Variants in GALNT13 observed in about 807,000 individuals in gnomAD.
GALNT13 encodes the protein polypeptide N-acetylgalactosaminyltransferase 13, also known as UDP-GalNAc:polypeptide N-acetylgalactosaminyltransferase 13.
A neutral mutation model predicts 64.2 loss-of-function variants in GALNT13; 28 were observed. The observed-to-expected ratio is 0.44, with a 90% CI of 0.32 to 0.60. The LOEUF is 0.60. GALNT13 is among the 20% of genes least tolerant of loss of function. GALNT13 has a pLI of 0.05. For missense variants in GALNT13, 577 were observed against 669.8 expected, an observed-to-expected ratio of 0.86 and a Z score of 1.53; for synonymous variants, 214 against 224.6, an observed-to-expected ratio of 0.95 and a Z score of 0.42.
the GALNT13 span, among the ~76,000 whole-genome samples, chr2:153,635,430 A>G: frequency 5.5e-5 from 8 of 146,314 alleles, no homozygotes; most frequent in African/African-American, 1.5e-4. Flanking sequence ...ATATATATGT[A>G]TATATATATA....
At chr2:153,537,204 C>T in the GALNT13 span, among the ~76,000 whole-genome samples, 3 of 152,140 alleles carry the variant, frequency 2.0e-5, no homozygotes, top group Non-Finnish European at 2.9e-5. Flanking sequence ...GCTGCAGAGG[C>T]TGTATAGGAC....
chr2:153,456,919 G>C, the GALNT13 span, among the ~76,000 whole-genome samples: 3 of 152,212 alleles, frequency 2.0e-5, no homozygotes, highest in African/African-American at 7.2e-5. Flanking sequence ...AGGATCAGTT[G>C]TAAGGCATCA....
the GALNT13 span, among the ~76,000 whole-genome samples, chr2:153,806,859 A>C: frequency 3.9e-5 from 6 of 152,082 alleles, no homozygotes; most frequent in Non-Finnish European, 7.4e-5. Context: ...AACATGCTGA[A>C]TTTTTAAAAG....
At chr2:154,058,867 A>G (rs1700033808) in intron 3 of GALNT13, among the ~76,000 whole-genome samples, 1 of 152,170 alleles carries the variant, frequency 6.6e-6, no homozygotes, top group South Asian at 2.1e-4. Context: ...GAGAAGGGTA[A>G]TGTAGTGAAG....
the GALNT13 span, among the ~76,000 whole-genome samples, chr2:153,071,597 G>A: frequency 6.6e-6 from 1 of 152,198 alleles, no homozygotes. Flanking sequence ...AGGGGCCAGA[G>A]CTCCAGAGTG....
the GALNT13 span, among the ~76,000 whole-genome samples, chr2:153,731,909 G>A: frequency 1.3e-5 from 2 of 151,908 alleles, no homozygotes; most frequent in African/African-American, 4.8e-5. Flanking sequence ...ATAAAGTAAC[G>A]GGTTCTACTG....
At chr2:154,241,504 C>G (rs1689488126) in intron 4 of GALNT13, among the ~76,000 whole-genome samples, 1 of 152,122 alleles carries the variant, frequency 6.6e-6, no homozygotes. Context: ...GATTCTGAAT[C>G]TAAAGGAAAC....
At position 154,356,745 on chromosome 2, in the gene GALNT13, T is replaced by A. The variant is rs190120212; in HGVS notation, c.1157-39246T>A. Among the ~76,000 whole-genome samples, 103 of 152,138 alleles carry A rather than the reference T, an allele frequency of 6.8e-4. 1 individual carries two copies. In the Middle Eastern group the frequency reaches 0.02, roughly 30 times the overall value. ...TCCATATTTATTTGTTTCTTTAAAT[T>A]GATTTTCAATCTTCTTATACTTCTA... On this transcript the variant is annotated intron_variant, in intron 9 of 12. Coordinates refer to ENST00000392825, the MANE Select transcript of GALNT13 (RefSeq NM_052917.4).
rs150832175 is a variant in GALNT13, at chr2:154,100,333, T to C, written c.143-40004T>C. 3.1e-4 allele frequency among the ~76,000 whole-genome samples: 47 copies of C among 152,248 alleles called. No homozygotes were observed. In the East Asian group the frequency reaches 7.0e-3, roughly 23 times the overall value. On this transcript the variant is annotated intron_variant, in intron 3 of 12. Transcript: ENST00000392825. ...ATTTTAATATTGATTCTTGAAATCTTTGAGGATGGGATGTTTATCCATTTG... is the reference window on the plus strand; with the variant it reads ...ATTTTAATATTGATTCTTGAAATCTCTGAGGATGGGATGTTTATCCATTTG...
chr2:154,148,992 A>C (rs1464088077), intron 4 of GALNT13, among the ~76,000 whole-genome samples: 1 of 152,162 alleles, frequency 6.6e-6, no homozygotes, highest in Non-Finnish European at 1.5e-5. Context: ...TTAGACATGA[A>C]GTCCCTGCCC....
the GALNT13 span, among the ~76,000 whole-genome samples, chr2:153,093,771 T>C: frequency 3.3e-5 from 5 of 152,176 alleles, no homozygotes; most frequent in African/African-American, 1.2e-4. Context: ...CTTCTTTAAA[T>C]GTTTGGTAGA....
At chr2:154,281,495 A>G (rs1230386154) in intron 8 of GALNT13, among the ~76,000 whole-genome samples, 1 of 152,178 alleles carries the variant, frequency 6.6e-6, no homozygotes, top group Non-Finnish European at 1.5e-5. Context: ...ATCAATCCTA[A>G]AGGTCAGAAA....
At chr2:153,921,814 T>C (rs1350016397) in intron 2 of GALNT13, among the ~76,000 whole-genome samples, 2 of 151,986 alleles carry the variant, frequency 1.3e-5, no homozygotes, top group African/African-American at 4.8e-5. Context: ...CTAACAAATA[T>C]ATCCTGCAGA....
chr2:153,149,051 T>C, the GALNT13 span, among the ~76,000 whole-genome samples: 1 of 151,880 alleles, frequency 6.6e-6, no homozygotes, highest in Non-Finnish European at 1.5e-5. Context: ...GATCTAATGA[T>C]GTGGGACATG....
chr2:153,407,899 T>G, the GALNT13 span, among the ~76,000 whole-genome samples: 1 of 152,192 alleles, frequency 6.6e-6, no homozygotes, highest in Non-Finnish European at 1.5e-5. Flanking sequence ...AAGTGGGGTC[T>G]TGCTGTAGTT....
the GALNT13 span, among the ~76,000 whole-genome samples, chr2:153,080,800 T>G: frequency 6.6e-6 from 1 of 152,090 alleles, no homozygotes; most frequent in African/African-American, 2.4e-5. Flanking sequence ...TGTTTTGCTG[T>G]GTTACTGGGA....
chr2:153,649,898 T>C, the GALNT13 span, among the ~76,000 whole-genome samples: 8 of 152,168 alleles, frequency 5.3e-5, no homozygotes, highest in African/African-American at 7.2e-5. Flanking sequence ...TGTGGTCAAT[T>C]TTGGAATAGG....
intron 4 of GALNT13, among the ~76,000 whole-genome samples, chr2:154,199,882 A>G: frequency 6.6e-6 from 1 of 152,056 alleles, no homozygotes; most frequent in East Asian, 1.9e-4. Flanking sequence ...ACTTATAATA[A>G]TCAAGGTTTG....
At chr2:153,090,586 A>T in the GALNT13 span, among the ~76,000 whole-genome samples, 2 of 152,142 alleles carry the variant, frequency 1.3e-5, no homozygotes, top group African/African-American at 4.8e-5. Context: ...TCCAGCCAGG[A>T]GGTGGTGCTT....
Sources: gnomAD v4.1 joint callset for allele counts (sites outside exome capture counted in the v4.1 genomes callset) on GRCh38, gnomAD v4.1.1 for gene constraint, MANE v1.5 for transcripts, NCBI Gene and HGNC (gene_info 2026-07-23, HGNC 2026-07-21) for gene names.